SDR39U1: variants seen among roughly 807,000 people sequenced by gnomAD.
The protein encoded by SDR39U1 is short chain dehydrogenase/reductase family 39U member 1.
Under a neutral mutation model 31.7 loss-of-function variants are expected in SDR39U1, and 29 were observed. That is an observed-to-expected ratio of 0.92 (90% confidence interval 0.68 to 1.25). The LOEUF (loss-of-function observed/expected upper bound fraction) is 1.25, where lower values mean the gene tolerates loss of function less well. SDR39U1 is among the 50% of genes most tolerant of loss of function. The pLI is 0.00. For synonymous variants in SDR39U1, 147 were observed against 159.0 expected, an observed-to-expected ratio of 0.92 and a Z score of 0.57; for missense variants, 403 against 378.4, an observed-to-expected ratio of 1.06 and a Z score of -0.54.
chr14:24,440,906 T>G lies in SDR39U1; in HGVS notation c.349A>C (p.Thr117Pro). 2 of 1,614,062 alleles carry G rather than the reference T, an allele frequency of 1.2e-6. No homozygotes were observed. The highest frequency in any genetic ancestry group is 8.5e-7 in the Non-Finnish European group (1 of 1,179,894). The change falls in exon 5 of 6, where the codon ACT becomes CCT. Residue 117 changes from threonine (T) to proline (P), a missense_variant. By Grantham distance (38) the Thr-to-Pro change is conservative. Coordinates refer to ENST00000399395, the MANE Select transcript of SDR39U1 (RefSeq NM_020195.3). ...TGVAYYQPSLTAEYDEDSPGG... is the reference protein window; with the variant it reads ...TGVAYYQPSLPAEYDEDSPGG... Reference sequence around the variant, plus strand: ...GGGCTGTCTTCATCATACTCCGCAGTCAGACTGGGCTGGTAGTAAGCTGCC... The same window carrying G: ...GGGCTGTCTTCATCATACTCCGCAGGCAGACTGGGCTGGTAGTAAGCTGCC...
intron 5 of SDR39U1, 124 bp from the exon 6 acceptor site, chr14:24,440,616 A>G: frequency 1.5e-6 from 2 of 1,375,858 alleles, no homozygotes; most frequent in Non-Finnish European, 2.0e-6. Flanking sequence ...AACAGAAGTG[A>G]GCAGTATGGC....
At position 24,440,005 on chromosome 14, in the gene SDR39U1, T is replaced by C; in HGVS notation, c.*78A>G. The C allele has an allele frequency of 1.6e-6, 2 of 1,227,542 alleles. No homozygotes were observed. Among genetic ancestry groups the C allele is most frequent in the East Asian group, 2.4e-5 (1 of 40,898 alleles). The allele number at this position is 1,227,542 out of a possible 1,614,324, so 76.0% of individuals were successfully genotyped here. ...TAAGAACCAGATGGCTTCAGCTCTCTAGAGGAGCTGAGCCTATTCACAGTG... is the reference window on the plus strand; with the variant it reads ...TAAGAACCAGATGGCTTCAGCTCTCCAGAGGAGCTGAGCCTATTCACAGTG... On this transcript the variant is annotated 3_prime_UTR_variant, in exon 6 of 6. Coordinates refer to ENST00000399395, the MANE Select transcript of SDR39U1 (RefSeq NM_020195.3).
rs748104676 is a variant in SDR39U1, at chr14:24,441,729, T to A, written c.273A>T (p.Lys91Asn). Reference sequence around the variant, plus strand: ...GGGGTTGTGGGGCTTTGGTGATGGCTTTAGCCAGCAATTGGGTGGTCTCTA... The same window carrying A: ...GGGGTTGTGGGGCTTTGGTGATGGCATTAGCCAGCAATTGGGTGGTCTCTA... ...SRLETTQLLA[K>N]AITKAPQPPK... The change falls in exon 4 of 6, where the codon AAA (lysine) becomes AAT (asparagine). Residue 91 changes from lysine (K) to asparagine (N), a missense_variant. Coordinates refer to ENST00000399395, the MANE Select transcript of SDR39U1 (RefSeq NM_020195.3). The A allele has an allele frequency of 6.2e-7, 1 of 1,602,254 alleles. No individual in the cohort carries two copies. The highest frequency in any genetic ancestry group is 1.1e-5 in the South Asian group (1 of 88,974).
In SDR39U1 at chr14:24,442,341, CT is replaced by C; in HGVS notation, c.123+4del. ...CTCCCACCCGCTTCCAGAGGATGGA[CT>C]TACCCACGTGATCCGGCCGGGCCCG... On this transcript the variant is annotated splice_donor_region_variant and intron_variant, in intron 2 of 5. Transcript: ENST00000399395. The C allele has an allele frequency of 1.9e-6, 3 of 1,609,928 alleles. No individual in the cohort carries two copies. The highest frequency in any genetic ancestry group is 2.2e-5 in the South Asian group (2 of 90,298).
At chr14:24,442,124 G>A in intron 3 of SDR39U1, 54 bp downstream of exon 3, 1 of 1,578,028 alleles carries the variant, frequency 6.3e-7, no homozygotes, top group Non-Finnish European at 8.6e-7. Flanking sequence ...CTCATCAGTG[G>A]GGCACTGTCC....
Position 24,440,076 on chromosome 14 carries a change from G to T in SDR39U1, c.*7C>A. Reference sequence around the variant, plus strand: ...GGAACAGGCCTCAGGCCCTTGCCACGACCTACTTAGGCTACAATTTCCTTT... The same window carrying T: ...GGAACAGGCCTCAGGCCCTTGCCACTACCTACTTAGGCTACAATTTCCTTT... On this transcript the variant is annotated 3_prime_UTR_variant, in exon 6 of 6. Coordinates refer to ENST00000399395, the MANE Select transcript of SDR39U1 (RefSeq NM_020195.3). 6.3e-7 allele frequency: 1 copy of T among 1,584,592 alleles called. No homozygotes were observed. The highest frequency in any genetic ancestry group is 1.1e-5 in the South Asian group (1 of 87,234).
At chr14:24,441,604 A>G (rs776584951) in intron 4 of SDR39U1, 70 bp downstream of exon 4, 136 of 1,344,846 alleles carry the variant, frequency 1.0e-4, no homozygotes, top group Middle Eastern at 2.6e-4. Flanking sequence ...TGGTGTGTGC[A>G]TAGCTACAGA....
In SDR39U1 at chr14:24,442,252, G is replaced by A. The variant is rs1239900873; in HGVS notation, c.132C>T (p.Leu44=). The A allele has an allele frequency of 6.2e-7, 1 of 1,609,678 alleles. No individual in the cohort carries two copies. Among genetic ancestry groups the A allele is most frequent in the Non-Finnish European group, 8.5e-7 (1 of 1,178,346 alleles). The stretch of plus-strand genomic sequence containing the variant: ...CGCAGCTCGGCAGCCCCGATGCAGC[G>A]AGCTCATCCTGTCGGAGAAAGCACA... The part of the protein sequence containing the change: ...PGPGRITWDE[L]AASGLPSCDA... The change falls in exon 3 of 6, where the codon CTC becomes CTT. Residue 44 remains leucine, a synonymous_variant. Coordinates refer to ENST00000399395, the MANE Select transcript of SDR39U1 (RefSeq NM_020195.3).
In SDR39U1 at chr14:24,440,914, G is replaced by C; in HGVS notation, c.341C>G (p.Pro114Arg). ...TTCATCATACTCCGCAGTCAGACTG[G>C]GCTGGTAGTAAGCTGCCGGTGGAAC... ...VLVTGVAYYQPSLTAEYDEDS... is the reference protein window; with the variant it reads ...VLVTGVAYYQRSLTAEYDEDS... The change falls in exon 5 of 6, where the codon CCC (proline) becomes CGC (arginine). Residue 114 changes from proline to arginine, a missense_variant. Physicochemically the swap from Pro to Arg is moderately radical, Grantham distance 103. Transcript: ENST00000399395. The C allele has an allele frequency of 6.2e-7, 1 of 1,614,018 alleles. No individual in the cohort carries two copies. The highest frequency in any genetic ancestry group is 8.5e-7 in the Non-Finnish European group (1 of 1,179,894).
intron 4 of SDR39U1, chr14:24,441,179 C>T (rs1189470669): frequency 2.5e-5 from 14 of 567,618 alleles, no homozygotes; most frequent in African/African-American, 7.5e-5. Flanking sequence ...GGGTACCAGG[C>T]GCCTGAATTT....
chr14:24,439,977 A>C lies in SDR39U1; in HGVS notation c.*106T>G. 3.5e-6 allele frequency: 3 copies of C among 865,916 alleles called. No homozygotes were observed. The highest frequency in any genetic ancestry group is 5.2e-6 in the Non-Finnish European group (3 of 573,696). 53.6% of individuals were successfully genotyped at this position (865,916 alleles called of 1,614,324 possible). On this transcript the variant is annotated 3_prime_UTR_variant, in exon 6 of 6. Coordinates refer to ENST00000399395, the MANE Select transcript of SDR39U1 (RefSeq NM_020195.3). ...AATGGGAAAGAGGACTGGGAGAGGA[A>C]TCTAAGAACCAGATGGCTTCAGCTC... is the stretch of plus-strand genomic sequence containing the variant.
At position 24,442,212 on chromosome 14, in the gene SDR39U1, G is replaced by A; in HGVS notation, c.172C>T (p.Leu58=). ...GLPSCDAAVN[L]AGENILNPLR... is the part of the protein sequence containing the mutation. ...GGGTTGAGGATGTTCTCTCCGGCCAGGTTGACGGCGGCATCGCAGCTCGGC... is the reference window on the plus strand; with the variant it reads ...GGGTTGAGGATGTTCTCTCCGGCCAAGTTGACGGCGGCATCGCAGCTCGGC... Residue 58 remains leucine (L), a synonymous_variant, in exon 3 of 6, where the codon CTG becomes TTG. Coordinates refer to ENST00000399395, the MANE Select transcript of SDR39U1 (RefSeq NM_020195.3). 3 of 1,612,090 alleles carry A rather than the reference G, an allele frequency of 1.9e-6. No homozygotes were observed. The highest frequency in any genetic ancestry group is 2.5e-6 in the Non-Finnish European group (3 of 1,179,222).
At position 24,440,438 on chromosome 14, in the gene SDR39U1, C is replaced by A. The variant is rs373631253; in HGVS notation, c.527G>T (p.Arg176Leu). ...GCCGATGGGGCCCCCCAGGCCCAGG[C>A]GAAAGGGCAGCAGCATGTGGCCCAT... is the stretch of plus-strand genomic sequence containing the variant. The part of the protein sequence containing the change: ...GAMGHMLLPF[R>L]LGLGGPIGSG... The change falls in exon 6 of 6, where the codon CGC becomes CTC. Residue 176 changes from arginine to leucine, a missense_variant. Arg to Leu is a moderately radical substitution (Grantham distance 102). Transcript: ENST00000399395. The A allele has an allele frequency of 8.7e-6, 14 of 1,611,864 alleles. No individual in the cohort carries two copies. Among genetic ancestry groups the A allele is most frequent in the Non-Finnish European group, 1.2e-5 (14 of 1,179,072 alleles).
Position 24,440,100 on chromosome 14 carries a change from T to A in SDR39U1, c.865A>T (p.Lys289Ter). 6.2e-7 allele frequency: 1 copy of A among 1,603,102 alleles called. No homozygotes were observed. ...CGACCTACTTAGGCTACAATTTCCT[T>A]TAAGGCAGCCCCTAGCTCTGGGAAG... ...YSFPELGAAL[K>*]EIVA Residue 289 changes from lysine to a stop codon, truncating the protein, a stop_gained, in exon 6 of 6, where the codon AAG becomes TAG. Transcript: ENST00000399395. LOFTEE classifies it high-confidence loss of function.
rs1175704875 is a variant in SDR39U1, at chr14:24,442,378, A to G, written c.91T>C (p.Ser31Pro). ...ATCCGGCCGGGCCCGGGCTTTCGGG[A>G]GACCAACGTCACTTCGTGGCCTCTG... ...NARGHEVTLV[S>P]RKPGPGRITW... Residue 31 changes from serine (S) to proline (P), a missense_variant, in exon 2 of 6, where the codon TCC becomes CCC. Coordinates refer to ENST00000399395, the MANE Select transcript of SDR39U1 (RefSeq NM_020195.3). 3.1e-6 allele frequency: 5 copies of G among 1,611,816 alleles called. No individual in the cohort carries two copies. The highest frequency in any genetic ancestry group is 1.3e-5 in the African/African-American group (1 of 74,854).
chr14:24,440,093 A>G lies in SDR39U1; in HGVS notation c.872T>C (p.Ile291Thr), dbSNP rs753273263. ...FPELGAALKE[I>T]VA ...CTTGCCACGACCTACTTAGGCTACAATTTCCTTTAAGGCAGCCCCTAGCTC... is the reference window on the plus strand; with the variant it reads ...CTTGCCACGACCTACTTAGGCTACAGTTTCCTTTAAGGCAGCCCCTAGCTC... The change falls in exon 6 of 6, where the codon ATT becomes ACT. Residue 291 changes from isoleucine (I) to threonine (T), a missense_variant. By Grantham distance (89) the Ile-to-Thr change is moderately conservative. Transcript: ENST00000399395. 8.8e-6 allele frequency: 14 copies of G among 1,598,160 alleles called. No individual in the cohort carries two copies. Among genetic ancestry groups the G allele is most frequent in the South Asian group, 1.1e-5 (1 of 89,730 alleles).
chr14:24,441,658 G>A lies in SDR39U1; in HGVS notation c.328+16C>T, dbSNP rs1288122224. 2 of 1,570,424 alleles carry A rather than the reference G, an allele frequency of 1.3e-6. No individual in the cohort carries two copies. The highest frequency in any genetic ancestry group is 1.7e-6 in the Non-Finnish European group (2 of 1,163,618). On this transcript the variant is annotated intron_variant, in intron 4 of 5. Coordinates refer to ENST00000399395, the MANE Select transcript of SDR39U1 (RefSeq NM_020195.3). ...CCCCTGGCGAATATAAGGGGCTGGT[G>A]ATTTGGGGGGCGTACCTACACCTGT...
At chr14:24,442,726 A>G (rs756756924) in intron 1 of SDR39U1, 28 bp downstream of exon 1, 14 of 1,613,656 alleles carry the variant, frequency 8.7e-6, no homozygotes, top group Admixed American at 1.7e-5. Context: ...AAGCCCGCCC[A>G]GCACTCTCCC....
chr14:24,440,628 G>C (rs141012159), intron 5 of SDR39U1, 136 bp from the exon 6 acceptor site: 20 of 1,354,280 alleles, frequency 1.5e-5, no homozygotes, highest in Middle Eastern at 3.7e-4. Context: ...CAGTATGGCT[G>C]TCTTTAAGAC....
Sources: allele counts gnomAD v4.1 joint callset, GRCh38; gene constraint gnomAD v4.1.1; transcripts MANE v1.5; gene names NCBI Gene and HGNC (gene_info 2026-07-23, HGNC 2026-07-21).